Variants in VRTN observed in about 807,000 individuals in gnomAD.
VRTN encodes vertnin.
In VRTN, 5 loss-of-function variants were observed where a neutral mutation model predicts 18.2. The ratio of observed to expected loss-of-function variants is 0.27; its 90% CI spans 0.14 to 0.58. The LOEUF (loss-of-function observed/expected upper bound fraction) is 0.58. Among genes scored for constraint, VRTN ranks in the 20% least tolerant of loss-of-function variants. The pLI is 0.91. For synonymous variants in VRTN, 381 were observed against 393.7 expected, an observed-to-expected ratio of 0.97 and a Z score of 0.38; for missense variants, 741 against 939.4, an observed-to-expected ratio of 0.79 and a Z score of 2.76.
chr14:74,320,898 TAAAAAAAAAAAAAAA>T (rs766559301), intron 1 of VRTN, among the ~76,000 whole-genome samples: 1 of 83,590 alleles, frequency 1.2e-5, no homozygotes, highest in African/African-American at 5.0e-5. Flanking sequence ...CCCATCTCTT[TAAAAAAAAAAAAAAA>T]AAAAAAAAAG....
Position 74,358,259 on chromosome 14 carries a change from C to G in VRTN, c.1476C>G (p.Pro492=). Residue 492 remains proline (P), a synonymous_variant, in exon 2 of 2, where the codon CCC becomes CCG. Coordinates refer to ENST00000256362, the MANE Select transcript of VRTN (RefSeq NM_018228.3). This position sits in a 1 kb window ranked among gnomAD's most constrained non-coding sequence, Gnocchi z 5.4. ...GGAATGCCACAGGTGAGGACCCTCC[C>G]GCCCCCGGGGAGCTCCTGCCACTAA... is the stretch of plus-strand genomic sequence containing the variant. ...GAGNATGEDP[P]APGELLPLRM... 1 of 1,610,966 alleles carries G rather than the reference C, an allele frequency of 6.2e-7. No homozygotes were observed. The highest frequency in any genetic ancestry group is 8.5e-7 in the Non-Finnish European group (1 of 1,178,330).
intron 1 of VRTN, among the ~76,000 whole-genome samples, chr14:74,320,799 G>A (rs1357308786): frequency 6.8e-6 from 1 of 146,892 alleles, no homozygotes; most frequent in African/African-American, 2.5e-5. Flanking sequence ...TCTTGGTCAG[G>A]CAGGTCTGGA....
At chr14:74,345,306 A>G (rs925479499), upstream of VRTN, among the ~76,000 whole-genome samples, 15 of 149,108 alleles carry the variant, frequency 1.0e-4, no homozygotes, top group African/African-American at 3.5e-4. Context: ...TGGCCTCCCA[A>G]CGTGCTGGGA....
intron 1 of VRTN, among the ~76,000 whole-genome samples, chr14:74,349,810 C>T (rs1327177103): frequency 1.3e-5 from 2 of 152,160 alleles, no homozygotes; most frequent in Non-Finnish European, 2.9e-5. Flanking sequence ...AGCCTGTGGC[C>T]ATTCATTCAT....
At chr14:74,304,446 G>A (rs946740748) in intron 1 of VRTN, among the ~76,000 whole-genome samples, 2 of 152,140 alleles carry the variant, frequency 1.3e-5, no homozygotes, top group African/African-American at 4.8e-5. Flanking sequence ...GTGAATCACC[G>A]TGCCCGGCCT....
rs772795824 is a variant in VRTN, at chr14:74,357,574, T to A, written c.791T>A (p.Leu264His). The change falls in exon 2 of 2, where the codon CTC becomes CAC. Residue 264 changes from leucine to histidine, a missense_variant. Leu to His is a moderately conservative substitution (Grantham distance 99, BLOSUM62 -3). Coordinates refer to ENST00000256362, the MANE Select transcript of VRTN (RefSeq NM_018228.3). This position sits in a 1 kb window ranked among gnomAD's most constrained non-coding sequence, Gnocchi z 7.8. ...CCAGCTCTTCCAGCCCTGGCCCCAC[T>A]CTCATCGCCGGCCAAGACCCTGGAG... ...VAPALPALAP[L>H]SSPAKTLELL... is the part of the protein sequence containing the mutation. 6.2e-7 allele frequency: 1 copy of A among 1,613,818 alleles called. No homozygotes were observed. The highest frequency in any genetic ancestry group is 1.1e-5 in the South Asian group (1 of 91,076).
intron 1 of VRTN, among the ~76,000 whole-genome samples, chr14:74,327,654 C>T (rs2085496286): frequency 6.6e-6 from 1 of 152,184 alleles, no homozygotes; most frequent in African/African-American, 2.4e-5. Flanking sequence ...TCTTGCAAGC[C>T]TTGCCCTTGT....
At chr14:74,318,705 TCCG>T (rs2085433851) in intron 1 of VRTN, among the ~76,000 whole-genome samples, 1 of 131,230 alleles carries the variant, frequency 7.6e-6, no homozygotes. Context: ...AGCCACCGTG[TCCG>T]GCCTTTTTTT....
At chr14:74,351,599 A>G (rs563781212) in intron 1 of VRTN, among the ~76,000 whole-genome samples, 8 of 147,778 alleles carry the variant, frequency 5.4e-5, no homozygotes, top group Admixed American at 2.1e-4. Flanking sequence ...TATCCACCTC[A>G]GCCTCCTGAG....
rs10676222 is a variant in VRTN, at chr14:74,314,394, C to CTTTTT, written c.-164+11234_-164+11238dup. Among the ~76,000 whole-genome samples the CTTTTT allele has an allele frequency of 1.1e-3, 125 of 108,762 alleles. 2 individuals carry two copies. The highest frequency in any genetic ancestry group is 4.8e-3 in the East Asian group (17 of 3,562). 71.4% of individuals were successfully genotyped at this position (108,762 alleles called of 152,430 possible). A position where few individuals can be genotyped will look rare whatever the true frequency, so the allele number is the denominator to read the frequency against. On this transcript the variant is annotated intron_variant, in intron 1 of 2. Coordinates refer to the VRTN transcript ENST00000557177. ...CAAAAGACTCAAGAAAAAAACTGTTCTTTTTTTTTTTTTTTTTTTTGAGAT... is the reference window on the plus strand; with the variant it reads ...CAAAAGACTCAAGAAAAAAACTGTTCTTTTTTTTTTTTTTTTTTTTTTTTTGAGAT...
chr14:74,314,154 C>T (rs1457942332), intron 1 of VRTN, among the ~76,000 whole-genome samples: 2 of 151,658 alleles, frequency 1.3e-5, no homozygotes, highest in African/African-American at 4.8e-5. Flanking sequence ...TTTTTAGAGA[C>T]AAGGTCTTGC....
chr14:74,310,581 AGGCTGGAGTGCAGT>A (rs2085382006), intron 1 of VRTN, among the ~76,000 whole-genome samples: 1 of 134,324 alleles, frequency 7.4e-6, no homozygotes, highest in Non-Finnish European at 1.5e-5. Context: ...TCTGTCACCC[AGGCTGGAGTGCAGT>A]GGCACAATCC....
At position 74,358,004 on chromosome 14, in the gene VRTN, G is replaced by A. The variant is rs1284302780; in HGVS notation, c.1221G>A (p.Leu407=). ...PGMVLMQRAK[L]YLEHCISLNT... ...TGGTCTTAATGCAGCGGGCCAAGTTGTACCTGGAGCATTGCATCTCCCTGA... is the reference window on the plus strand; with the variant it reads ...TGGTCTTAATGCAGCGGGCCAAGTTATACCTGGAGCATTGCATCTCCCTGA... Residue 407 remains leucine, a synonymous_variant, in exon 2 of 2, where the codon TTG becomes TTA. Coordinates refer to ENST00000256362, the MANE Select transcript of VRTN (RefSeq NM_018228.3). This position sits in a 1 kb window ranked among gnomAD's most constrained non-coding sequence, Gnocchi z 5.4. 4 of 1,614,212 alleles carry A rather than the reference G, an allele frequency of 2.5e-6. No homozygotes were observed. Among genetic ancestry groups the A allele is most frequent in the Non-Finnish European group, 3.4e-6 (4 of 1,180,010 alleles).
At position 74,357,481 on chromosome 14, in the gene VRTN, G is replaced by A. The variant is rs533694091; in HGVS notation, c.698G>A (p.Arg233His). 3.3e-5 allele frequency: 54 copies of A among 1,611,998 alleles called. No homozygotes were observed. The South Asian group carries it at 4.7e-4, about 14-fold the overall frequency. ...AGQPLTSHFF[R>H]HQYFAPVVGL... ...CAGCCCCTCACCAGCCACTTCTTCC[G>A]CCACCAGTACTTTGCCCCTGTGGTG... The change falls in exon 2 of 2, where the codon CGC becomes CAC. Residue 233 changes from arginine to histidine, a missense_variant. Arg to His is a conservative substitution (Grantham distance 29). Around this residue, in one of 3 missense-constraint regions of VRTN, gnomAD observed 494 missense variants for 546.5 expected, o/e 0.90. Coordinates refer to ENST00000256362, the MANE Select transcript of VRTN (RefSeq NM_018228.3). The surrounding 1 kb of genome is among the most constrained non-coding windows in gnomAD (Gnocchi z 7.8).
intron 1 of VRTN, among the ~76,000 whole-genome samples, chr14:74,318,356 C>T (rs918641428): frequency 3.9e-5 from 6 of 152,164 alleles, no homozygotes; most frequent in South Asian, 2.1e-4. Flanking sequence ...CCGCAACCTC[C>T]GCCTCCTGGA....
chr14:74,358,876 C>T lies in VRTN; in HGVS notation c.2093C>T (p.Thr698Ile), dbSNP rs1333685835. 3 of 1,609,932 alleles carry T rather than the reference C, an allele frequency of 1.9e-6. No individual in the cohort carries two copies. The highest frequency in any genetic ancestry group is 2.2e-5 in the East Asian group (1 of 44,788). ...MWKRALYDGL[T>I]LVDG ...AAGCGAGCCCTCTATGACGGCCTGA[C>T]CCTGGTAGATGGCTGACAGGGAGGT... The change falls in exon 2 of 2, where the codon ACC becomes ATC. Residue 698 changes from threonine (T) to isoleucine (I), a missense_variant. This residue lies in a region of VRTN where 61 missense variants were observed against 104.6 expected (regional missense o/e 0.58). Transcript: ENST00000256362. The surrounding 1 kb of genome is among the most constrained non-coding windows in gnomAD (Gnocchi z 5.4).
intron 1 of VRTN, among the ~76,000 whole-genome samples, chr14:74,304,891 A>G (rs1161072831): frequency 2.0e-5 from 3 of 152,250 alleles, no homozygotes; most frequent in Non-Finnish European, 4.4e-5. Flanking sequence ...TAAGGCAACC[A>G]AAGTATTAAA....
chr14:74,329,979 C>T (rs538079923), intron 1 of VRTN, among the ~76,000 whole-genome samples: 2 of 151,422 alleles, frequency 1.3e-5, no homozygotes, highest in South Asian at 4.2e-4. Flanking sequence ...TCAAGCAATT[C>T]TTCTATCTCA....
At chr14:74,332,418 G>A (rs978331574) in intron 1 of VRTN, among the ~76,000 whole-genome samples, 23 of 134,056 alleles carry the variant, frequency 1.7e-4, no homozygotes, top group Non-Finnish European at 4.6e-5. Flanking sequence ...GAAGTGGCGC[G>A]ATCTCGGCTC....
Sources: gnomAD v4.1 joint callset for allele counts (sites outside exome capture counted in the v4.1 genomes callset) on GRCh38, gnomAD v4.1.1 for gene constraint, gnomAD v4.1.1 regional missense constraint, Gnocchi (gnomAD v3.1) non-coding constraint, MANE v1.5 for transcripts, NCBI Gene and HGNC (gene_info 2026-07-23, HGNC 2026-07-21) for gene names.